The following NEDD4 variants were observed in gnomAD, a reference collection of about 807,000 sequenced individuals.
The protein encoded by NEDD4 is E3 ubiquitin-protein ligase NEDD4.
NEDD4 carries 99 observed loss-of-function variants against 144.9 expected under a neutral mutation model. The observed-to-expected ratio is 0.68, with a 90% CI of 0.58 to 0.81. NEDD4 has a LOEUF of 0.81. Ranked by LOEUF, NEDD4 falls within the 30% of genes least tolerant of loss-of-function variation. The pLI is 0.00. For missense variants in NEDD4, 985 were observed against 1,065.9 expected (o/e 0.92, Z 1.06); for synonymous variants, 318 against 350.6 (o/e 0.91, Z 1.04).
chr15:55,958,440 T>A (rs534789576), intron 2 of NEDD4, among the ~76,000 whole-genome samples: 18 of 152,192 alleles, frequency 1.2e-4, no homozygotes, highest in Non-Finnish European at 2.9e-5. Flanking sequence ...TTGACAGATA[T>A]TGGTTTTAAG....
intron 13 of NEDD4, among the ~76,000 whole-genome samples, chr15:55,851,605 T>C (rs562907447): frequency 6.6e-6 from 1 of 152,086 alleles, no homozygotes; most frequent in South Asian, 2.1e-4. Flanking sequence ...GCCTCCTAAG[T>C]AGATGGGATT....
At chr15:55,952,920 C>CAATAAT (rs1213995423) in intron 2 of NEDD4, among the ~76,000 whole-genome samples, 1 of 152,064 alleles carries the variant, frequency 6.6e-6, no homozygotes, top group Non-Finnish European at 1.5e-5. Flanking sequence ...ATAATAAAAA[C>CAATAAT]AAGAACACTT....
chr15:55,860,339 G>C (rs2034348595), intron 11 of NEDD4, 68 bp downstream of exon 11: 20 of 1,469,416 alleles, frequency 1.4e-5, no homozygotes, highest in Non-Finnish European at 1.2e-5. Flanking sequence ...ATAAAAGTTA[G>C]TTGTTGAATA....
At chr15:55,965,691 C>T (rs3049245) in intron 2 of NEDD4, among the ~76,000 whole-genome samples, 12 of 119,486 alleles carry the variant, frequency 1.0e-4, no homozygotes, top group South Asian at 2.8e-4. Context: ...TGTATGTATG[C>T]ATGCATGTTT....
intron 2 of NEDD4, among the ~76,000 whole-genome samples, chr15:55,953,230 T>G (rs2037277033): frequency 6.6e-6 from 1 of 152,034 alleles, no homozygotes. Flanking sequence ...CCTCAGGTGA[T>G]CCGCCCGCCT....
chr15:55,830,673 TAC>T (rs759031516), intron 27 of NEDD4, 87 bp from the exon 28 acceptor site: 24 of 965,162 alleles, frequency 2.5e-5, no homozygotes, highest in Middle Eastern at 2.5e-4. Context: ...CACTAGTTCC[TAC>T]ACACACACAG....
At chr15:55,990,671 C>T (rs2037975948) in intron 1 of NEDD4, among the ~76,000 whole-genome samples, 1 of 152,140 alleles carries the variant, frequency 6.6e-6, no homozygotes, top group African/African-American at 2.4e-5. Context: ...TGGATCCAGT[C>T]CATTAATTTC....
In NEDD4 at chr15:55,860,323, T is replaced by C. The variant is rs527851347; in HGVS notation, c.960+84A>G. The C allele has an allele frequency of 1.4e-5, 19 of 1,393,426 alleles. 1 individual carries two copies. In the South Asian group the frequency reaches 2.5e-4, roughly 18 times the overall value. The allele number at this position is 1,393,426 out of a possible 1,614,324, so 86.3% of individuals were successfully genotyped here. A position where few individuals can be genotyped will look rare whatever the true frequency, so the allele number is the denominator to read the frequency against. On this transcript the variant is annotated intron_variant, in intron 11 of 28. Transcript: ENST00000435532. ...ACATATTATTGCATTTAAGACAAAA[T>C]TTTACATAAAAGTTAGTTGTTGAAT...
chr15:55,892,158 C>T (rs766610272), intron 5 of NEDD4, among the ~76,000 whole-genome samples: 17 of 151,748 alleles, frequency 1.1e-4, no homozygotes, highest in Non-Finnish European at 2.4e-4. Context: ...CCCAGCTACT[C>T]GTGAGGCAGA....
rs184142033 is a variant in NEDD4 at position 55,854,500 on chromosome 15, G to A, written c.1026+1631C>T. 1.3e-3 allele frequency among the ~76,000 whole-genome samples: 191 copies of A among 152,250 alleles called. 1 individual carries two copies. The highest frequency in any genetic ancestry group is 4.5e-3 in the African/African-American group (188 of 41,550). On this transcript the variant is annotated intron_variant, in intron 12 of 28. Transcript: ENST00000435532. ...GTCTATGTGAAAAACAGCATGCTAA[G>A]TGAAAAAGGTCAGACACGTAAGCCC...
chr15:55,893,636 C>A (rs1328644573), intron 5 of NEDD4, among the ~76,000 whole-genome samples: 1 of 150,734 alleles, frequency 6.6e-6, no homozygotes, highest in African/African-American at 2.4e-5. Flanking sequence ...ACATGATATT[C>A]GCACATGAGT....
intron 4 of NEDD4, among the ~76,000 whole-genome samples, chr15:55,945,843 G>A (rs1361946502): frequency 3.3e-5 from 5 of 152,050 alleles, no homozygotes; most frequent in Admixed American, 3.3e-4. Context: ...AGAAGACAGT[G>A]GGGGCCAATA....
intron 5 of NEDD4, among the ~76,000 whole-genome samples, chr15:55,880,542 G>C (rs189403901): frequency 6.6e-6 from 1 of 152,246 alleles, no homozygotes; most frequent in Admixed American, 6.5e-5. Flanking sequence ...TTTCAATTAT[G>C]ATGGTAGAAT....
At chr15:55,850,376 T>G (rs2033935356) in intron 14 of NEDD4, among the ~76,000 whole-genome samples, 166 bp downstream of exon 14, 2 of 152,180 alleles carry the variant, frequency 1.3e-5, no homozygotes, top group African/African-American at 4.8e-5. Flanking sequence ...AAAAGACGCA[T>G]AAGCATTCTC....
chr15:55,961,787 T>G (rs529404499), intron 2 of NEDD4, among the ~76,000 whole-genome samples: 1 of 152,202 alleles, frequency 6.6e-6, no homozygotes, highest in East Asian at 1.9e-4. Context: ...GTAATATTAT[T>G]ATGAAGCAAT....
At chr15:55,910,874 G>A (rs2036249852) in intron 5 of NEDD4, among the ~76,000 whole-genome samples, 1 of 152,000 alleles carries the variant, frequency 6.6e-6, no homozygotes, top group Admixed American at 6.6e-5. Context: ...ATGAAAAATT[G>A]TCTTCTAAAA....
intron 2 of NEDD4, among the ~76,000 whole-genome samples, chr15:55,959,570 A>T (rs1424890085): frequency 6.6e-6 from 1 of 152,228 alleles, no homozygotes; most frequent in Admixed American, 6.5e-5. Context: ...TCTCCTCTTA[A>T]GCATGGGACA....
chr15:55,838,004 C>A, intron 23 of NEDD4, 103 bp downstream of exon 23: 1 of 930,830 alleles, frequency 1.1e-6, no homozygotes, highest in Non-Finnish European at 1.6e-6. Context: ...AAAAAGAACA[C>A]TGAGATTCTG....
chr15:55,914,433 TG>T (rs1439834143), intron 5 of NEDD4, among the ~76,000 whole-genome samples: 2 of 151,962 alleles, frequency 1.3e-5, no homozygotes, highest in Non-Finnish European at 2.9e-5. Flanking sequence ...AAAGAACTTT[TG>T]GCTAAGATTC....
Sources: allele counts gnomAD v4.1 joint callset (sites outside exome capture counted in the v4.1 genomes callset), GRCh38; gene constraint gnomAD v4.1.1; transcripts MANE v1.5; gene names NCBI Gene and HGNC (gene_info 2026-07-23, HGNC 2026-07-21).